RPTOR: variants seen among roughly 807,000 people sequenced by gnomAD.
RPTOR encodes the protein regulatory associated protein of MTOR complex 1.
A neutral mutation model predicts 169.9 loss-of-function variants in RPTOR; 21 were observed. The observed-to-expected ratio is 0.12, with a 90% confidence interval of 0.09 to 0.18. The LOEUF (loss-of-function observed/expected upper bound fraction) is 0.18. RPTOR is among the 10% of genes least tolerant of loss of function. The pLI, the probability that RPTOR is intolerant of heterozygous loss-of-function variation, is 1.00. For missense variants in RPTOR, 1,133 were observed against 1,855.9 expected, an observed-to-expected ratio of 0.61 and a Z score of 7.16; for synonymous variants, 732 against 753.2, an observed-to-expected ratio of 0.97 and a Z score of 0.46.
rs2067388818 is a variant in RPTOR, at chr17:80,822,362, C to G, written c.991+61C>G. The G allele has an allele frequency of 5.3e-6, 8 of 1,500,964 alleles. No homozygotes were observed. The Admixed American group carries it at 1.3e-4, about 25-fold the overall frequency. The allele number at this position is 1,500,964 out of a possible 1,614,324, so 93.0% of individuals were successfully genotyped here. ...TGGCCTTGAGTGCGCGGGGAGCCGA[C>G]TCTCGGACATGAGAGGAGTCAGATA... On this transcript the variant is annotated intron_variant, in intron 8 of 33. Transcript: ENST00000306801.
At chr17:80,876,549 G>A (rs1332693015) in intron 13 of RPTOR, among the ~76,000 whole-genome samples, 3 of 111,738 alleles carry the variant, frequency 2.7e-5, no homozygotes, top group East Asian at 5.8e-4. Context: ...TCTTCCCACC[G>A]AGCCTGTGCC....
intron 3 of RPTOR, among the ~76,000 whole-genome samples, chr17:80,675,499 T>C (rs2065855096): frequency 6.6e-6 from 1 of 152,152 alleles, no homozygotes; most frequent in Non-Finnish European, 1.5e-5. Flanking sequence ...TACTTTCGGG[T>C]AAACCTTGCT....
At chr17:80,781,006 G>A (rs1031960223) in intron 6 of RPTOR, among the ~76,000 whole-genome samples, 1 of 152,154 alleles carries the variant, frequency 6.6e-6, no homozygotes, top group African/African-American at 2.4e-5. Context: ...TGCAGAGGAG[G>A]GTTCTTATGC....
At chr17:80,592,977 A>G (rs972744936) in intron 1 of RPTOR, among the ~76,000 whole-genome samples, 6 of 152,198 alleles carry the variant, frequency 3.9e-5, no homozygotes, top group Admixed American at 3.3e-4. Context: ...AACTGGCCGC[A>G]AAAACACACT....
intron 6 of RPTOR, among the ~76,000 whole-genome samples, chr17:80,779,839 T>C (rs2066923301): frequency 6.6e-6 from 1 of 152,176 alleles, no homozygotes; most frequent in Admixed American, 6.5e-5. Flanking sequence ...TCCAAGTTCA[T>C]TGGAAAATCT....
intron 6 of RPTOR, chr17:80,774,241 G>A (rs1885617909): frequency 1.0e-5 from 10 of 985,440 alleles, no homozygotes; most frequent in Non-Finnish European, 1.2e-5. Flanking sequence ...GCGCCCGTGT[G>A]ATGATGATGC....
intron 1 of RPTOR, among the ~76,000 whole-genome samples, chr17:80,554,743 C>CAAAAT (rs1164336902): frequency 7.1e-5 from 1 of 14,114 alleles, no homozygotes; most frequent in Non-Finnish European, 1.3e-4. Flanking sequence ...GACTCTGTCT[C>CAAAAT]AAAACAAAAC....
intron 3 of RPTOR, among the ~76,000 whole-genome samples, chr17:80,686,532 A>G (rs1450778915): frequency 3.3e-5 from 5 of 151,970 alleles, no homozygotes; most frequent in African/African-American, 1.2e-4. Context: ...CCCGTGAATG[A>G]AGAGAAAGGT....
Position 80,892,717 on chromosome 17 carries a change from C to T in RPTOR, c.2102-12C>T. ...AAGCCCATTGTAATTTGTCTTTCTCCTTCTTTCCCAGAGGGAGGGAGTTTG... is the reference window on the plus strand; with the variant it reads ...AAGCCCATTGTAATTTGTCTTTCTCTTTCTTTCCCAGAGGGAGGGAGTTTG... On this transcript the variant is annotated splice_polypyrimidine_tract_variant and intron_variant, in intron 18 of 33. Coordinates refer to ENST00000306801, the MANE Select transcript of RPTOR (RefSeq NM_020761.3). The T allele has an allele frequency of 1.2e-6, 2 of 1,611,840 alleles. No individual in the cohort carries two copies. The highest frequency in any genetic ancestry group is 2.7e-5 in the African/African-American group (2 of 74,962).
rs760151482 is a variant in RPTOR at position 80,961,489 on chromosome 17, C to T, written c.3692+9C>T. On this transcript the variant is annotated intron_variant, in intron 31 of 33. Coordinates refer to ENST00000306801, the MANE Select transcript of RPTOR (RefSeq NM_020761.3). ...CACATCGTGAGTGTGAGGTGAGGAG[C>T]GCCGATATTTAGCAGCCGTTCTGCT... The T allele has an allele frequency of 9.0e-6, 14 of 1,547,644 alleles. No individual in the cohort carries two copies. Among genetic ancestry groups the T allele is most frequent in the Non-Finnish European group, 1.2e-5 (14 of 1,146,078 alleles).
At chr17:80,909,351 G>C (rs1426975204) in intron 21 of RPTOR, among the ~76,000 whole-genome samples, 1 of 152,070 alleles carries the variant, frequency 6.6e-6, no homozygotes, top group Admixed American at 6.6e-5. Context: ...AAAGTGCTGG[G>C]ATTACAAGCG....
chr17:80,707,269 A>G lies in RPTOR; in HGVS notation c.349-572A>G, dbSNP rs2066149055. Reference sequence around the variant, plus strand: ...ACTTCTGAGAAACACTTGGTACCCCAGTGGCAGCTGCGTTTGCCTTGGTGT... The same window carrying G: ...ACTTCTGAGAAACACTTGGTACCCCGGTGGCAGCTGCGTTTGCCTTGGTGT... On this transcript the variant is annotated intron_variant, in intron 3 of 33. Transcript: ENST00000306801. The surrounding 1 kb of genome is among the most constrained non-coding windows in gnomAD (Gnocchi z 5.0). Among the ~76,000 whole-genome samples the G allele has an allele frequency of 6.6e-6, 1 of 152,226 alleles. No individual in the cohort carries two copies. Among genetic ancestry groups the G allele is most frequent in the Non-Finnish European group, 1.5e-5 (1 of 68,044 alleles).
intron 1 of RPTOR, among the ~76,000 whole-genome samples, chr17:80,619,057 G>T (rs961521275): frequency 6.6e-6 from 1 of 152,140 alleles, no homozygotes; most frequent in Non-Finnish European, 1.5e-5. Flanking sequence ...ATGCATTTGT[G>T]TAGCTTCGGC....
chr17:80,592,558 C>G (rs2065115159), intron 1 of RPTOR, among the ~76,000 whole-genome samples: 1 of 152,116 alleles, frequency 6.6e-6, no homozygotes, highest in South Asian at 2.1e-4. Flanking sequence ...TATTGGGCAG[C>G]TCATTAACTG....
Position 80,873,662 on chromosome 17 carries a change from G to A in RPTOR, c.1510-6753G>A, listed in dbSNP as rs565195849. ...GGGAGCTCACCACATTCCCAAAGCCGCAAAACAATGAGCTCGGTGTGCCCC... is the reference window on the plus strand; with the variant it reads ...GGGAGCTCACCACATTCCCAAAGCCACAAAACAATGAGCTCGGTGTGCCCC... On this transcript the variant is annotated intron_variant, in intron 13 of 33. Transcript: ENST00000306801. 2.2e-4 allele frequency among the ~76,000 whole-genome samples: 33 copies of A among 152,326 alleles called. 1 individual carries two copies. In the South Asian group the frequency reaches 2.7e-3, roughly 12 times the overall value.
intron 3 of RPTOR, among the ~76,000 whole-genome samples, chr17:80,665,397 C>T (rs867247288): frequency 6.1e-4 from 4 of 6,566 alleles, no homozygotes; most frequent in East Asian, 7.6e-3. Flanking sequence ...CCTTTCCTTT[C>T]CTTTCCTTTC....
At chr17:80,696,777 C>A (rs946520044) in intron 3 of RPTOR, among the ~76,000 whole-genome samples, 3 of 152,196 alleles carry the variant, frequency 2.0e-5, no homozygotes, top group African/African-American at 7.2e-5. Flanking sequence ...CCCCAAGCAC[C>A]AATACAGGAG....
At chr17:80,916,722 G>A (rs576773082) in intron 21 of RPTOR, among the ~76,000 whole-genome samples, 3 of 152,330 alleles carry the variant, frequency 2.0e-5, no homozygotes, top group East Asian at 3.9e-4. Flanking sequence ...AACATTGGCC[G>A]AGTGCGATGG....
intron 24 of RPTOR, among the ~76,000 whole-genome samples, chr17:80,932,621 G>GA (rs2068911589): frequency 6.6e-6 from 1 of 151,954 alleles, no homozygotes; most frequent in African/African-American, 2.4e-5. Flanking sequence ...AATAGCCAAG[G>GA]AAAAAAATCA....
Sources: allele counts gnomAD v4.1 joint callset (sites outside exome capture counted in the v4.1 genomes callset), GRCh38; gene constraint gnomAD v4.1.1; non-coding constraint Gnocchi (gnomAD v3.1); transcripts MANE v1.5; gene names NCBI Gene and HGNC (gene_info 2026-07-23, HGNC 2026-07-21).